The following AGPAT1 variants were observed in gnomAD, a reference collection of about 807,000 sequenced individuals.
The protein encoded by AGPAT1 is 1-acyl-sn-glycerol-3-phosphate acyltransferase alpha.
Under a neutral mutation model 31.2 loss-of-function variants are expected in AGPAT1, and 6 were observed. That is an observed-to-expected ratio of 0.19 (90% confidence interval 0.11 to 0.38). The LOEUF (loss-of-function observed/expected upper bound fraction) is 0.38, where lower values mean the gene tolerates loss of function less well. Among genes scored for constraint, AGPAT1 ranks in the 10% least tolerant of loss-of-function variants. The pLI, the probability that AGPAT1 is intolerant of heterozygous loss-of-function variation, is 1.00. For missense variants in AGPAT1, 187 were observed against 377.8 expected (o/e 0.49, Z 4.19); for synonymous variants, 139 against 154.0 (o/e 0.90, Z 0.72).
In AGPAT1 at chr6:32,169,608, C is replaced by G; in HGVS notation, c.680-160G>C. On this transcript the variant is annotated intron_variant, in intron 6 of 6. Coordinates refer to ENST00000375107, the MANE Select transcript of AGPAT1 (RefSeq NM_006411.4). The surrounding 1 kb of genome is among the most constrained non-coding windows in gnomAD (Gnocchi z 5.9). The stretch of plus-strand genomic sequence containing the variant: ...GCCAGCTGCCACTTCTGAGGCCCTT[C>G]TCCTATACAAAGCCTTCTCCAATCC... The G allele has an allele frequency of 1.2e-6, 1 of 807,940 alleles. No individual in the cohort carries two copies. Among genetic ancestry groups the G allele is most frequent in the Non-Finnish European group, 1.9e-6 (1 of 520,332 alleles). The allele number at this position is 807,940 out of a possible 1,614,324, so 50.0% of individuals were successfully genotyped here.
Position 32,170,874 on chromosome 6 carries a change from C to A in AGPAT1, c.334+63G>T. The stretch of plus-strand genomic sequence containing the variant: ...TTGAGGATCTCTAGGAGAAGATATT[C>A]TAGGGAAGGTTTCAGGAGGGGAGGC... On this transcript the variant is annotated intron_variant, in intron 3 of 6. Coordinates refer to ENST00000375107, the MANE Select transcript of AGPAT1 (RefSeq NM_006411.4). The surrounding 1 kb of genome is among the most constrained non-coding windows in gnomAD (Gnocchi z 7.7). 6.4e-7 allele frequency: 1 copy of A among 1,565,408 alleles called. No individual in the cohort carries two copies. The highest frequency in any genetic ancestry group is 1.2e-5 in the South Asian group (1 of 86,424).
Position 32,171,253 on chromosome 6 carries a change from G to GTA in AGPAT1, c.200+42_200+43dup, listed in dbSNP as rs753444938. The GTA allele has an allele frequency of 6.2e-7, 1 of 1,612,562 alleles. No homozygotes were observed. Among genetic ancestry groups the GTA allele is most frequent in the African/African-American group, 1.3e-5 (1 of 74,790 alleles). On this transcript the variant is annotated intron_variant, in intron 2 of 6. Coordinates refer to ENST00000375107, the MANE Select transcript of AGPAT1 (RefSeq NM_006411.4). This position sits in a 1 kb window ranked among gnomAD's most constrained non-coding sequence, Gnocchi z 6.9. The stretch of plus-strand genomic sequence containing the variant: ...CTTCCCCCAATCCACTACTCACTTT[G>GTA]TACCCTTAGGTTCCCTCATTGCCCA...
Position 32,169,813 on chromosome 6 carries a change from G to A in AGPAT1, c.679+153C>T. On this transcript the variant is annotated intron_variant, in intron 6 of 6. Coordinates refer to ENST00000375107, the MANE Select transcript of AGPAT1 (RefSeq NM_006411.4). This position sits in a 1 kb window ranked among gnomAD's most constrained non-coding sequence, Gnocchi z 5.9. Reference sequence around the variant, plus strand: ...ACCCATCTGGCAGGGTATGGTGGGTGCTTAGTAAAGACTTATTGGCTGATG... The same window carrying A: ...ACCCATCTGGCAGGGTATGGTGGGTACTTAGTAAAGACTTATTGGCTGATG... 1.4e-6 allele frequency: 1 copy of A among 716,516 alleles called. No homozygotes were observed. The highest frequency in any genetic ancestry group is 2.4e-6 in the Non-Finnish European group (1 of 419,956). The allele number at this position is 716,516 out of a possible 1,614,324, so 44.4% of individuals were successfully genotyped here.
In AGPAT1 at chr6:32,171,294, C is replaced by T. The variant is rs1196700959; in HGVS notation, c.200+3G>A. ...TCATTGCCCAAGACCCCTTGCCCCT[C>T]ACTTCATGTTCTCGACGTTGCGTCC... On this transcript the variant is annotated splice_donor_region_variant and intron_variant, in intron 2 of 6. Transcript: ENST00000375107. The surrounding 1 kb of genome is among the most constrained non-coding windows in gnomAD (Gnocchi z 6.9). The T allele has an allele frequency of 6.2e-7, 1 of 1,613,160 alleles. No individual in the cohort carries two copies. Among genetic ancestry groups the T allele is most frequent in the Non-Finnish European group, 8.5e-7 (1 of 1,180,038 alleles).
chr6:32,176,214 G>C (rs16869385), upstream of AGPAT1: 130,604 of 921,642 alleles, frequency 0.14, 9,777 homozygotes, highest in Admixed American at 0.18. Flanking sequence ...ACATCTACCA[G>C]TGTCCTCTTG....
chr6:32,171,636 C>A lies in AGPAT1; in HGVS notation c.-9-131G>T. On this transcript the variant is annotated intron_variant, in intron 1 of 6. Transcript: ENST00000375107. This position sits in a 1 kb window ranked among gnomAD's most constrained non-coding sequence, Gnocchi z 6.9. ...CTGAGACACAAACTGGGGCAGGGGT[C>A]TCATTGAAACCTTCCCAGGAAGGCT... 1 of 1,258,200 alleles carries A rather than the reference C, an allele frequency of 7.9e-7. No homozygotes were observed. Among genetic ancestry groups the A allele is most frequent in the South Asian group, 1.4e-5 (1 of 68,972 alleles). 77.9% of individuals were successfully genotyped at this position (1,258,200 alleles called of 1,614,324 possible).
In AGPAT1 at chr6:32,175,831, CCTGGGGGG is replaced by C. The variant is rs1408391312; in HGVS notation, c.-35_-28del. 1.0e-5 allele frequency: 10 copies of C among 985,948 alleles called. No homozygotes were observed. Among genetic ancestry groups the C allele is most frequent in the African/African-American group, 1.7e-5 (1 of 57,228 alleles). 61.1% of individuals were successfully genotyped at this position (985,948 alleles called of 1,614,324 possible). On this transcript the variant is annotated 5_prime_UTR_variant, in exon 1 of 7. Transcript: ENST00000375107. This position sits in a 1 kb window ranked among gnomAD's most constrained non-coding sequence, Gnocchi z 4.5. ...GCCCACACCTCAGAGGGGTAGGGGGCCTGGGGGGCTGGCCCCCTCCCCAGCCAGGCTGC... is the reference window on the plus strand; with the variant it reads ...GCCCACACCTCAGAGGGGTAGGGGGCCTGGCCCCCTCCCCAGCCAGGCTGC...
At position 32,175,759 on chromosome 6, in the gene AGPAT1, C is replaced by T; in HGVS notation, c.-10+55G>A. ...CCCAATCTCTCCCCTTCCCCTCATC[C>T]TAGTCGCTTTCAGCACCCTCTTCCC... On this transcript the variant is annotated intron_variant, in intron 1 of 6. Transcript: ENST00000375107. This position sits in a 1 kb window ranked among gnomAD's most constrained non-coding sequence, Gnocchi z 4.5. 1.1e-6 allele frequency: 1 copy of T among 922,688 alleles called. No homozygotes were observed. Among genetic ancestry groups the T allele is most frequent in the Non-Finnish European group, 1.3e-6 (1 of 772,452 alleles). 57.2% of individuals were successfully genotyped at this position (922,688 alleles called of 1,614,324 possible).
Position 32,171,371 on chromosome 6 carries a change from A to G in AGPAT1, c.126T>C (p.Asn42=). 1 of 1,613,192 alleles carries G rather than the reference A, an allele frequency of 6.2e-7. No individual in the cohort carries two copies. The highest frequency in any genetic ancestry group is 8.5e-7 in the Non-Finnish European group (1 of 1,180,034). The change falls in exon 2 of 7, where the codon AAT becomes AAC. Residue 42 remains asparagine, a synonymous_variant. Transcript: ENST00000375107. This position sits in a 1 kb window ranked among gnomAD's most constrained non-coding sequence, Gnocchi z 6.9. ...GCACAGCCAGGAAGAGGATCCAGCC[A>G]TTGTAGAAGGCCATCTTGAAGAAGT... ...AKYFFKMAFY[N]GWILFLAVLA... is the part of the protein sequence containing the mutation.
rs1487453233 is a variant in AGPAT1 at position 32,170,042 on chromosome 6, G to A, written c.607-4C>T. 1.9e-6 allele frequency: 3 copies of A among 1,613,866 alleles called. No homozygotes were observed. The South Asian group carries it at 3.3e-5, about 18-fold the overall frequency. ...TGACTATGGGGACAATGGGAACCTG[G>A]GGAAGGGTTAAAGCAGGTCAGTCCA... is the stretch of plus-strand genomic sequence containing the variant. On this transcript the variant is annotated splice_region_variant and splice_polypyrimidine_tract_variant and intron_variant, in intron 5 of 6. Transcript: ENST00000375107. This position sits in a 1 kb window ranked among gnomAD's most constrained non-coding sequence, Gnocchi z 7.7.
Position 32,170,822 on chromosome 6 carries a change from G to T in AGPAT1, c.334+115C>A. On this transcript the variant is annotated intron_variant, in intron 3 of 6. Coordinates refer to ENST00000375107, the MANE Select transcript of AGPAT1 (RefSeq NM_006411.4). This position sits in a 1 kb window ranked among gnomAD's most constrained non-coding sequence, Gnocchi z 7.7. ...GAATGAAGGCCTGAGTGGGAGGCAAGGGGGCAATGTCCCAGAGGAAGGGGA... is the reference window on the plus strand; with the variant it reads ...GAATGAAGGCCTGAGTGGGAGGCAATGGGGCAATGTCCCAGAGGAAGGGGA... 7.2e-7 allele frequency: 1 copy of T among 1,393,132 alleles called. No individual in the cohort carries two copies. 86.3% of individuals were successfully genotyped at this position (1,393,132 alleles called of 1,614,324 possible). A position where few individuals can be genotyped will look rare whatever the true frequency, so the allele number is the denominator to read the frequency against.
Position 32,169,165 on chromosome 6 carries a change from TG to T in AGPAT1, c.*110del. The T allele has an allele frequency of 8.7e-7, 1 of 1,146,622 alleles. No homozygotes were observed. The highest frequency in any genetic ancestry group is 1.3e-6 in the Non-Finnish European group (1 of 797,226). The allele number at this position is 1,146,622 out of a possible 1,614,324, so 71.0% of individuals were successfully genotyped here. On this transcript the variant is annotated 3_prime_UTR_variant, in exon 7 of 7. Transcript: ENST00000375107. This position sits in a 1 kb window ranked among gnomAD's most constrained non-coding sequence, Gnocchi z 5.9. ...TGAAGATTCCAAAGAGGAGAATAAGTGGGGAGAGGGGAGACAAGGAAGAGGG... is the reference window on the plus strand; with the variant it reads ...TGAAGATTCCAAAGAGGAGAATAAGTGGGAGAGGGGAGACAAGGAAGAGGG...
In AGPAT1 at chr6:32,172,531, T is replaced by G. The variant is rs1236383137; in HGVS notation, c.-9-1026A>C. Among the ~76,000 whole-genome samples, 1 of 152,170 alleles carries G rather than the reference T, an allele frequency of 6.6e-6. No individual in the cohort carries two copies. The highest frequency in any genetic ancestry group is 1.5e-5 in the Non-Finnish European group (1 of 68,024). On this transcript the variant is annotated intron_variant, in intron 1 of 6. Transcript: ENST00000375107. The surrounding 1 kb of genome is among the most constrained non-coding windows in gnomAD (Gnocchi z 4.3). ...ATAGTCTAGAAAGTACTATTACTAT[T>G]TACATTTTATAGGAAATAGGCCCAG...
Position 32,171,321 on chromosome 6 carries a change from C to T in AGPAT1, c.176G>A (p.Arg59Gln), listed in dbSNP as rs1423578165. ...AVLAIPVCAV[R>Q]GRNVENMKIL... The stretch of plus-strand genomic sequence containing the variant: ...CTTCATGTTCTCGACGTTGCGTCCT[C>T]GCACGGCACACACAGGGATGGCGAG... Residue 59 changes from arginine (R) to glutamine (Q), a missense_variant, in exon 2 of 7, where the codon CGA becomes CAA. By Grantham distance (43) the Arg-to-Gln change is conservative (BLOSUM62 1). Around this residue, in one of 3 missense-constraint regions of AGPAT1, gnomAD observed 113 missense variants for 283.1 expected, o/e 0.40. Coordinates refer to ENST00000375107, the MANE Select transcript of AGPAT1 (RefSeq NM_006411.4). The surrounding 1 kb of genome is among the most constrained non-coding windows in gnomAD (Gnocchi z 6.9). 6.2e-7 allele frequency: 1 copy of T among 1,613,150 alleles called. No individual in the cohort carries two copies. Among genetic ancestry groups the T allele is most frequent in the Non-Finnish European group, 8.5e-7 (1 of 1,180,050 alleles).
At chr6:32,176,645 C>G (rs917488543), upstream of AGPAT1, 6 of 323,660 alleles carry the variant, frequency 1.9e-5, no homozygotes, top group Non-Finnish European at 2.7e-5. Context: ...CCAGCTCCCC[C>G]CTCCACCTGC....
chr6:32,168,426 T>G lies in AGPAT1; in HGVS notation c.*850A>C, dbSNP rs192521347. On this transcript the variant is annotated 3_prime_UTR_variant, in exon 7 of 7. Transcript: ENST00000375107. This position sits in a 1 kb window ranked among gnomAD's most constrained non-coding sequence, Gnocchi z 4.5. ...GGGGAAGCCTCAACAGAAAAAGAAATAAATTAAAAGCCCTCCTATCCCCTC... is the reference window on the plus strand; with the variant it reads ...GGGGAAGCCTCAACAGAAAAAGAAAGAAATTAAAAGCCCTCCTATCCCCTC... 5 of 159,406 alleles carry G rather than the reference T, an allele frequency of 3.1e-5. No homozygotes were observed. The East Asian group carries it at 5.5e-4, about 18-fold the overall frequency. 9.9% of individuals were successfully genotyped at this position (159,406 alleles called of 1,614,324 possible).
rs1276841854 is a variant in AGPAT1, at chr6:32,173,481, G to A, written c.-9-1976C>T. 1.3e-5 allele frequency among the ~76,000 whole-genome samples: 2 copies of A among 152,134 alleles called. No homozygotes were observed. The highest frequency in any genetic ancestry group is 2.4e-5 in the African/African-American group (1 of 41,420). On this transcript the variant is annotated intron_variant, in intron 1 of 6. Coordinates refer to ENST00000375107, the MANE Select transcript of AGPAT1 (RefSeq NM_006411.4). The surrounding 1 kb of genome is among the most constrained non-coding windows in gnomAD (Gnocchi z 4.7). ...CAACTCCCTCCAATCCATCTTCCAC[G>A]TAGCAACCACAGAGATTTTTCTGTT...
chr6:32,176,284 C>G, upstream of AGPAT1: 2 of 523,624 alleles, frequency 3.8e-6, no homozygotes, highest in Non-Finnish European at 4.9e-6. Context: ...CCAGCTGCAT[C>G]TTTTTTTTCT....
Position 32,170,623 on chromosome 6 carries a change from G to T in AGPAT1, c.335-23C>A. On this transcript the variant is annotated intron_variant, in intron 3 of 6. Coordinates refer to ENST00000375107, the MANE Select transcript of AGPAT1 (RefSeq NM_006411.4). The surrounding 1 kb of genome is among the most constrained non-coding windows in gnomAD (Gnocchi z 7.7). ...TCCCTTGGGCAGGGTGGGAGTGGGTGAGGATCGGGGTGGAGGCAGAGTGTC... is the reference window on the plus strand; with the variant it reads ...TCCCTTGGGCAGGGTGGGAGTGGGTTAGGATCGGGGTGGAGGCAGAGTGTC... 1.2e-6 allele frequency: 2 copies of T among 1,607,814 alleles called. No individual in the cohort carries two copies.
Sources: gnomAD v4.1 joint callset for allele counts (sites outside exome capture counted in the v4.1 genomes callset) on GRCh38, gnomAD v4.1.1 for gene constraint, gnomAD v4.1.1 regional missense constraint, Gnocchi (gnomAD v3.1) non-coding constraint, MANE v1.5 for transcripts, NCBI Gene and HGNC (gene_info 2026-07-23, HGNC 2026-07-21) for gene names.